The following AGBL1 variants were observed in gnomAD, a reference collection of about 807,000 sequenced individuals.
AGBL1 encodes the protein cytosolic carboxypeptidase 4.
AGBL1 carries 130 observed loss-of-function variants against 118.9 expected under a neutral mutation model. The observed-to-expected ratio is 1.09, with a 90% CI of 0.95 to 1.26. The LOEUF (loss-of-function observed/expected upper bound fraction) is 1.26. Ranked by LOEUF, AGBL1 falls within the 50% of genes most tolerant of loss-of-function variation. The pLI is 0.00. For synonymous variants in AGBL1, 555 were observed against 478.9 expected, an observed-to-expected ratio of 1.16 and a Z score of -2.08; for missense variants, 1,584 against 1,298.1, an observed-to-expected ratio of 1.22 and a Z score of -3.38.
chr15:86,197,320 C>T (rs1046752555), intron 5 of AGBL1, among the ~76,000 whole-genome samples: 2 of 152,172 alleles, frequency 1.3e-5, no homozygotes, highest in African/African-American at 4.8e-5. Context: ...AAAGCCTCCA[C>T]CTGCTTACAG....
intron 16 of AGBL1, among the ~76,000 whole-genome samples, chr15:86,289,457 T>C (rs1169389447): frequency 6.6e-6 from 1 of 152,218 alleles, no homozygotes; most frequent in Non-Finnish European, 1.5e-5. Context: ...ACATAACAGA[T>C]GCTCTTCACA....
At chr15:86,539,301 C>A (rs1300949488) in intron 19 of AGBL1, among the ~76,000 whole-genome samples, 1 of 152,192 alleles carries the variant, frequency 6.6e-6, no homozygotes, top group Non-Finnish European at 1.5e-5. Flanking sequence ...TTATTCCTAA[C>A]CTCTTCCTTT....
intron 5 of AGBL1, among the ~76,000 whole-genome samples, chr15:86,189,876 T>A (rs2077692160): frequency 6.6e-6 from 1 of 152,212 alleles, no homozygotes; most frequent in African/African-American, 2.4e-5. Flanking sequence ...TATATCACCT[T>A]GACATTACCA....
At chr15:86,234,505 C>T (rs2078506247) in intron 6 of AGBL1, among the ~76,000 whole-genome samples, 1 of 141,832 alleles carries the variant, frequency 7.1e-6, no homozygotes, top group Admixed American at 7.3e-5. Flanking sequence ...GAGCGAAGAT[C>T]ACACCACTGC....
At chr15:86,973,070 A>G (rs1022301227) in intron 23 of AGBL1, among the ~76,000 whole-genome samples, 1 of 151,986 alleles carries the variant, frequency 6.6e-6, no homozygotes, top group Non-Finnish European at 1.5e-5. Context: ...TTTAAGCCTC[A>G]GTTTTGGCAT....
intron 3 of AGBL1, among the ~76,000 whole-genome samples, chr15:86,151,718 A>C (rs2077113946): frequency 6.6e-6 from 1 of 152,212 alleles, no homozygotes; most frequent in Non-Finnish European, 1.5e-5. Context: ...TTCAATTAGG[A>C]AAAGAGGAAG....
At chr15:86,289,666 A>G (rs1462954866) in intron 16 of AGBL1, among the ~76,000 whole-genome samples, 1 of 152,136 alleles carries the variant, frequency 6.6e-6, no homozygotes, top group East Asian at 1.9e-4. Context: ...TCCACGTTCA[A>G]AGCCAAAAAT....
At chr15:86,978,497 TCG>T (rs2081197148) in intron 23 of AGBL1, among the ~76,000 whole-genome samples, 4 of 152,180 alleles carry the variant, frequency 2.6e-5, no homozygotes, top group East Asian at 1.9e-4. Context: ...GTTTAAGTAC[TCG>T]TGCAGCCCTA....
rs1188855114 is a variant in AGBL1 at position 86,827,408 on chromosome 15, T to C, written c.3159-79679T>C. On this transcript the variant is annotated intron_variant, in intron 22 of 22. Transcript: ENST00000614907. ...ACACATATATATATACATATATATA[T>C]GTGTATATATATATATATATACACA... 7.8e-4 allele frequency among the ~76,000 whole-genome samples: 6 copies of C among 7,658 alleles called. 1 individual carries two copies. Among genetic ancestry groups the C allele is most frequent in the African/African-American group, 4.7e-3 (5 of 1,056 alleles). 5.0% of individuals were successfully genotyped at this position (7,658 alleles called of 152,430 possible).
intron 5 of AGBL1, among the ~76,000 whole-genome samples, chr15:86,211,836 A>G (rs1361113036): frequency 2.0e-5 from 3 of 151,956 alleles, no homozygotes; most frequent in Non-Finnish European, 4.4e-5. Flanking sequence ...TTCACCCTCC[A>G]TGGGCTATAC....
chr15:86,901,435 G>GA (rs959426065), intron 22 of AGBL1, among the ~76,000 whole-genome samples: 9 of 151,722 alleles, frequency 5.9e-5, no homozygotes, highest in African/African-American at 2.2e-4. Context: ...TGCTCTATTT[G>GA]AAAAAAACCC....
intron 18 of AGBL1, among the ~76,000 whole-genome samples, chr15:86,513,967 T>G (rs1220887155): frequency 2.6e-5 from 4 of 152,116 alleles, no homozygotes; most frequent in Non-Finnish European, 4.4e-5. Context: ...TCTTTTCTTC[T>G]GCCCCACCTC....
chr15:86,525,056 C>T (rs911080979), intron 19 of AGBL1, among the ~76,000 whole-genome samples: 1 of 152,084 alleles, frequency 6.6e-6, no homozygotes, highest in African/African-American at 2.4e-5. Flanking sequence ...AGTAAAGTCT[C>T]AGGCTACAAA....
chr15:86,364,522 C>T (rs752153129), intron 17 of AGBL1, among the ~76,000 whole-genome samples: 1 of 152,122 alleles, frequency 6.6e-6, no homozygotes, highest in Non-Finnish European at 1.5e-5. Flanking sequence ...CCATTGACTG[C>T]TGCCCCACCT....
intron 22 of AGBL1, among the ~76,000 whole-genome samples, chr15:86,723,274 G>A (rs1490238561): frequency 6.6e-6 from 1 of 152,198 alleles, no homozygotes; most frequent in East Asian, 1.9e-4. Flanking sequence ...AACAATGATA[G>A]ACTGGATTAA....
At chr15:86,271,043 A>ATTTTTTTTTTTTT (rs58166692) in intron 14 of AGBL1, among the ~76,000 whole-genome samples, 4 of 89,062 alleles carry the variant, frequency 4.5e-5, no homozygotes, top group East Asian at 2.9e-4. Context: ...GTCACGTTGC[A>ATTTTTTTTTTTTT]TTTTTTTTTT....
At chr15:86,098,758 C>T (rs935637105) in intron 1 of AGBL1, among the ~76,000 whole-genome samples, 1 of 151,956 alleles carries the variant, frequency 6.6e-6, no homozygotes, top group Non-Finnish European at 1.5e-5. Flanking sequence ...ATGCTTCCAG[C>T]TTTGTTCTTT....
At chr15:86,404,264 G>A (rs1744707303) in intron 18 of AGBL1, among the ~76,000 whole-genome samples, 2 of 152,074 alleles carry the variant, frequency 1.3e-5, no homozygotes, top group Admixed American at 6.5e-5. Context: ...AGCTGGGCTT[G>A]ATCCTGGACA....
At chr15:86,948,836 T>C (rs2141667122) in intron 23 of AGBL1, among the ~76,000 whole-genome samples, 1 of 152,374 alleles carries the variant, frequency 6.6e-6, no homozygotes, top group African/African-American at 2.4e-5. Context: ...GAATGTTTAA[T>C]ACACTAGCAT....
Sources: allele counts gnomAD v4.1 joint callset (sites outside exome capture counted in the v4.1 genomes callset), GRCh38; gene constraint gnomAD v4.1.1; transcripts MANE v1.5; gene names NCBI Gene and HGNC (gene_info 2026-07-23, HGNC 2026-07-21).